Variants in RPS6KC1 observed in about 807,000 individuals in gnomAD.
RPS6KC1 encodes ribosomal protein S6 kinase C1, also known as inactive ribosomal protein S6 kinase delta-1.
RPS6KC1 carries 54 observed loss-of-function variants against 103.8 expected under a neutral mutation model. The observed-to-expected ratio is 0.52, with a 90% CI of 0.42 to 0.65. The LOEUF (loss-of-function observed/expected upper bound fraction) is 0.65. Among genes scored for constraint, RPS6KC1 ranks in the 30% least tolerant of loss-of-function variants. The pLI, the probability that RPS6KC1 is intolerant of heterozygous loss-of-function variation, is 0.00. For missense variants in RPS6KC1, 1,151 were observed against 1,253.8 expected (o/e 0.92, Z 1.24); for synonymous variants, 439 against 438.7 (o/e 1.00, Z -0.01).
intron 3 of RPS6KC1, among the ~76,000 whole-genome samples, chr1:213,095,335 C>G (rs1049549619): frequency 1.3e-5 from 2 of 152,170 alleles, no homozygotes; most frequent in African/African-American, 4.8e-5. Flanking sequence ...TAATTTCATA[C>G]TGGTCAAGGA....
chr1:213,104,823 G>A lies in RPS6KC1; in HGVS notation c.378+254G>A, dbSNP rs1329333479. ...AGTGGCCATTGACAGGTGTGATCAT[G>A]GCGTACTATAGTCTTGAGTTCCTGG... On this transcript the variant is annotated intron_variant, in intron 4 of 14. Transcript: ENST00000366960. 1.3e-5 allele frequency among the ~76,000 whole-genome samples: 2 copies of A among 150,722 alleles called. 1 individual carries two copies. Among genetic ancestry groups the A allele is most frequent in the Admixed American group, 1.3e-4 (2 of 15,110 alleles).
At chr1:213,276,703 G>A (rs144591745), downstream of RPS6KC1, among the ~76,000 whole-genome samples, 31 of 152,256 alleles carry the variant, frequency 2.0e-4, no homozygotes, top group African/African-American at 7.0e-4. Context: ...GGTTGCTGCC[G>A]TACATCTGCT....
chr1:213,613,866 C>T, the RPS6KC1 span, among the ~76,000 whole-genome samples: 13 of 152,190 alleles, frequency 8.5e-5, no homozygotes, highest in African/African-American at 2.7e-4. Context: ...GCATCTGGTT[C>T]GCTCATTTAA....
chr1:213,567,338 G>T, the RPS6KC1 span, among the ~76,000 whole-genome samples: 4 of 152,140 alleles, frequency 2.6e-5, no homozygotes, highest in Admixed American at 2.6e-4. Context: ...GGGGGGAAAT[G>T]GGATGTGCAT....
chr1:213,612,208 C>T, the RPS6KC1 span, among the ~76,000 whole-genome samples: 1 of 152,204 alleles, frequency 6.6e-6, no homozygotes, highest in Non-Finnish European at 1.5e-5. Flanking sequence ...GTGTGTTTAA[C>T]AAGCCTTTCA....
At chr1:213,718,227 G>A in the RPS6KC1 span, among the ~76,000 whole-genome samples, 1 of 152,218 alleles carries the variant, frequency 6.6e-6, no homozygotes, top group African/African-American at 2.4e-5. Context: ...GCACCAGCAG[G>A]TACTTGTGGC....
intron 4 of RPS6KC1, among the ~76,000 whole-genome samples, chr1:213,105,882 T>G (rs2148794147): frequency 6.6e-6 from 1 of 152,344 alleles, no homozygotes; most frequent in Admixed American, 6.5e-5. Context: ...ACAAGAATAT[T>G]GCTTTATAGA....
the RPS6KC1 span, among the ~76,000 whole-genome samples, chr1:213,704,790 A>C: frequency 1.9e-3 from 284 of 152,350 alleles, no homozygotes; most frequent in Non-Finnish European, 3.4e-3. Flanking sequence ...CATATTCAAA[A>C]AGACTTGGGT....
At chr1:213,208,329 A>G (rs2093412782) in intron 8 of RPS6KC1, among the ~76,000 whole-genome samples, 1 of 152,024 alleles carries the variant, frequency 6.6e-6, no homozygotes, top group Non-Finnish European at 1.5e-5. Flanking sequence ...GAATCTCTTC[A>G]CCAGTCTTCT....
At chr1:213,614,418 C>T in the RPS6KC1 span, among the ~76,000 whole-genome samples, 1 of 152,208 alleles carries the variant, frequency 6.6e-6, no homozygotes, top group East Asian at 1.9e-4. Context: ...CTGAGAGCCA[C>T]ACCTTTGATA....
At chr1:213,090,145 A>G (rs1382100294) in intron 3 of RPS6KC1, among the ~76,000 whole-genome samples, 1 of 152,222 alleles carries the variant, frequency 6.6e-6, no homozygotes, top group African/African-American at 2.4e-5. Flanking sequence ...TCTCACCATC[A>G]AGTTTTTAAG....
At chr1:213,278,758 G>T (rs1351111326), downstream of RPS6KC1, among the ~76,000 whole-genome samples, 1 of 152,190 alleles carries the variant, frequency 6.6e-6, no homozygotes, top group Non-Finnish European at 1.5e-5. Flanking sequence ...GCAGAATGTG[G>T]CAAGTGTTAT....
chr1:213,303,932 G>A, the RPS6KC1 span, among the ~76,000 whole-genome samples: 66 of 152,014 alleles, frequency 4.3e-4, no homozygotes, highest in East Asian at 5.8e-4. Context: ...GAGGCCGGGC[G>A]CGGTGGCTCA....
chr1:213,705,751 A>G, the RPS6KC1 span, among the ~76,000 whole-genome samples: 22 of 152,344 alleles, frequency 1.4e-4, no homozygotes, highest in South Asian at 4.6e-3. Flanking sequence ...TTGCCATAGT[A>G]CTTGGGTATC....
At chr1:213,555,881 C>G in the RPS6KC1 span, among the ~76,000 whole-genome samples, 1 of 152,204 alleles carries the variant, frequency 6.6e-6, no homozygotes, top group African/African-American at 2.4e-5. Flanking sequence ...ATCTTTTTCT[C>G]TAAGAATGCT....
At chr1:213,531,210 C>T in the RPS6KC1 span, among the ~76,000 whole-genome samples, 1 of 152,156 alleles carries the variant, frequency 6.6e-6, no homozygotes, top group Non-Finnish European at 1.5e-5. Flanking sequence ...CTTTTCCTGC[C>T]ATCTGCTGCC....
chr1:213,620,238 G>C, the RPS6KC1 span, among the ~76,000 whole-genome samples: 5 of 152,220 alleles, frequency 3.3e-5, no homozygotes, highest in Non-Finnish European at 7.3e-5. Context: ...AATTTGGGCA[G>C]GGCTCTGCTG....
the RPS6KC1 span, among the ~76,000 whole-genome samples, chr1:213,350,369 A>G: frequency 6.6e-6 from 1 of 152,214 alleles, no homozygotes; most frequent in South Asian, 2.1e-4. Context: ...GTGCAAATAC[A>G]GAATTCTCTT....
chr1:213,449,939 G>A, the RPS6KC1 span, among the ~76,000 whole-genome samples: 3 of 152,130 alleles, frequency 2.0e-5, no homozygotes, highest in East Asian at 1.9e-4. Context: ...TTTTGTGCAC[G>A]CAACACCCAT....
Sources: allele counts gnomAD v4.1 joint callset (sites outside exome capture counted in the v4.1 genomes callset), GRCh38; gene constraint gnomAD v4.1.1; transcripts MANE v1.5; gene names NCBI Gene and HGNC (gene_info 2026-07-23, HGNC 2026-07-21).